The following TMC1 variants were observed in gnomAD, a reference collection of about 807,000 sequenced individuals.
TMC1 encodes transmembrane channel-like protein 1.
TMC1 carries 84 observed loss-of-function variants against 105.8 expected under a neutral mutation model. The ratio of observed to expected loss-of-function variants is 0.79; its 90% CI spans 0.67 to 0.95. TMC1 has a LOEUF of 0.95. Ranked by LOEUF, TMC1 falls within the 40% of genes least tolerant of loss-of-function variation. TMC1 has a pLI of 0.00. For missense variants in TMC1, 817 were observed against 914.1 expected (o/e 0.89, Z 1.37); for synonymous variants, 315 against 311.5 (o/e 1.01, Z -0.12).
intron 5 of TMC1, among the ~76,000 whole-genome samples, chr9:72,676,874 T>G (rs1430987203): frequency 6.6e-6 from 1 of 152,138 alleles, no homozygotes; most frequent in African/African-American, 2.4e-5. Context: ...GTGTATTGAT[T>G]AATCTTCTGC....
intron 1 of TMC1, among the ~76,000 whole-genome samples, chr9:72,523,148 G>A (rs1823343989): frequency 6.6e-6 from 1 of 152,124 alleles, no homozygotes; most frequent in Admixed American, 6.5e-5. Flanking sequence ...GAAGGGAAGA[G>A]CATCTCACAA....
intron 8 of TMC1, among the ~76,000 whole-genome samples, chr9:72,701,843 T>A (rs1284860378): frequency 1.3e-5 from 2 of 152,166 alleles, no homozygotes; most frequent in East Asian, 3.9e-4. Flanking sequence ...GTTTTCCAAG[T>A]TCTAAACAAT....
chr9:72,642,908 C>T (rs1466031291), intron 4 of TMC1, among the ~76,000 whole-genome samples: 4 of 152,152 alleles, frequency 2.6e-5, no homozygotes, highest in African/African-American at 4.8e-5. Context: ...GGTTAATTCT[C>T]CTAGCTCCTG....
intron 1 of TMC1, among the ~76,000 whole-genome samples, chr9:72,548,502 C>T (rs77738561): frequency 0.13 from 18,857 of 150,738 alleles, 1,330 homozygotes; most frequent in Non-Finnish European, 0.17. Context: ...TCAATGAACC[C>T]GGGAGGTTCA....
At chr9:72,624,091 C>CGGTA (rs1303896283) in intron 3 of TMC1, among the ~76,000 whole-genome samples, 3 of 152,108 alleles carry the variant, frequency 2.0e-5, no homozygotes, top group Non-Finnish European at 4.4e-5. Flanking sequence ...CCCTGAGGAA[C>CGGTA]GGTACTATGT....
intron 8 of TMC1, among the ~76,000 whole-genome samples, chr9:72,714,007 GC>G (rs1222695377): frequency 6.6e-6 from 1 of 151,998 alleles, no homozygotes; most frequent in Non-Finnish European, 1.5e-5. Context: ...CTTTATTTGT[GC>G]CTTAATTTCA....
intron 13 of TMC1, among the ~76,000 whole-genome samples, chr9:72,783,207 G>A (rs1046440289): frequency 2.0e-5 from 3 of 152,032 alleles, no homozygotes; most frequent in African/African-American, 7.2e-5. Context: ...ATGATCACAA[G>A]GTGAAGTTTC....
At chr9:72,697,166 A>G (rs140895412) in intron 7 of TMC1, among the ~76,000 whole-genome samples, 3 of 152,284 alleles carry the variant, frequency 2.0e-5, no homozygotes, top group African/African-American at 4.8e-5. Context: ...GGTAGTTGTT[A>G]TATTTTAGTG....
chr9:72,641,024 G>T (rs1825619688), intron 4 of TMC1, among the ~76,000 whole-genome samples: 1 of 152,142 alleles, frequency 6.6e-6, no homozygotes, highest in Non-Finnish European at 1.5e-5. Context: ...TAGATATATG[G>T]TGGTCAAAAT....
At chr9:72,740,289 A>T in intron 9 of TMC1, 80 bp downstream of exon 9, 2 of 1,230,050 alleles carry the variant, frequency 1.6e-6, no homozygotes, top group Non-Finnish European at 2.4e-6. Context: ...GGGGTGAAAA[A>T]AATCTTACAT....
rs769722158 is a variant in TMC1 at position 72,830,463 on chromosome 9, T to G, written c.2142T>G (p.Tyr714Ter). The change falls in exon 22 of 24, where the codon TAT becomes TAG. Residue 714 changes from tyrosine to a stop codon, truncating the protein, a stop_gained. Transcript: ENST00000297784. LOFTEE classifies it high-confidence loss of function. ...CTTTTTAATTTAGTTTGGCCATCTA[T>G]TATCTCAATGCTACTGCCAAGGGCC... ...AVILVMVLAIYYLNATAKGQK... is the reference protein window; with the variant it reads ...AVILVMVLAI 6.2e-7 allele frequency: 1 copy of G among 1,612,850 alleles called. No homozygotes were observed. Among genetic ancestry groups the G allele is most frequent in the Non-Finnish European group, 8.5e-7 (1 of 1,179,112 alleles).
At chr9:72,813,776 A>C (rs1262313793) in intron 18 of TMC1, among the ~76,000 whole-genome samples, 2 of 152,250 alleles carry the variant, frequency 1.3e-5, no homozygotes, top group Non-Finnish European at 2.9e-5. Context: ...AACTAAGCCT[A>C]ATGAGATAAG....
chr9:72,611,192 G>A (rs1825018208), intron 2 of TMC1, among the ~76,000 whole-genome samples: 2 of 152,124 alleles, frequency 1.3e-5, no homozygotes, highest in South Asian at 4.1e-4. Context: ...TTGTATTATT[G>A]GGAACCATCA....
chr9:72,585,188 T>C (rs1824536184), intron 2 of TMC1, among the ~76,000 whole-genome samples: 1 of 146,968 alleles, frequency 6.8e-6, no homozygotes, highest in South Asian at 2.2e-4. Context: ...TCTTGCTCTG[T>C]CGCCCAGGCT....
intron 2 of TMC1, among the ~76,000 whole-genome samples, chr9:72,613,660 A>G (rs971032014): frequency 1.3e-5 from 2 of 152,106 alleles, no homozygotes; most frequent in Non-Finnish European, 2.9e-5. Flanking sequence ...TGAGAATGGT[A>G]TGAGTGTGGG....
chr9:72,530,251 T>G (rs1823476610), intron 1 of TMC1, among the ~76,000 whole-genome samples: 2 of 152,150 alleles, frequency 1.3e-5, no homozygotes, highest in South Asian at 4.1e-4. Context: ...CGATCTCTAC[T>G]CACTGCAACC....
At chr9:72,615,135 A>G (rs889670467) in intron 2 of TMC1, among the ~76,000 whole-genome samples, 1 of 152,240 alleles carries the variant, frequency 6.6e-6, no homozygotes, top group Non-Finnish European at 1.5e-5. Flanking sequence ...AGTATGTTAA[A>G]TACATAGTTT....
chr9:72,679,350 T>C (rs993622677), intron 5 of TMC1, among the ~76,000 whole-genome samples: 2 of 152,180 alleles, frequency 1.3e-5, no homozygotes, highest in African/African-American at 4.8e-5. Context: ...CCCAGGTCTA[T>C]AGGCCCCTCT....
chr9:72,816,849 G>A (rs1209642611), intron 19 of TMC1, among the ~76,000 whole-genome samples: 1 of 152,146 alleles, frequency 6.6e-6, no homozygotes, highest in Non-Finnish European at 1.5e-5. Context: ...AGTCGATACA[G>A]TAGAAATCGT....
Sources: allele counts gnomAD v4.1 joint callset (sites outside exome capture counted in the v4.1 genomes callset), GRCh38; gene constraint gnomAD v4.1.1; transcripts MANE v1.5; gene names NCBI Gene and HGNC (gene_info 2026-07-23, HGNC 2026-07-21).